SMARCAL1: variants seen among roughly 807,000 people sequenced by gnomAD.
SMARCAL1 encodes ATP-driven annealing helicase.
SMARCAL1 carries 58 observed loss-of-function variants against 94.5 expected under a neutral mutation model. The ratio of observed to expected loss-of-function variants is 0.61; its 90% CI spans 0.50 to 0.76. SMARCAL1 has a LOEUF of 0.76. Ranked by LOEUF, SMARCAL1 falls within the 30% of genes least tolerant of loss-of-function variation. The pLI is 0.00. For synonymous variants in SMARCAL1, 422 were observed against 455.1 expected, an observed-to-expected ratio of 0.93 and a Z score of 0.93; for missense variants, 1,051 against 1,177.9, an observed-to-expected ratio of 0.89 and a Z score of 1.58.
Position 216,455,082 on chromosome 2 carries a change from C to T in SMARCAL1, c.2070+4018C>T, listed in dbSNP as rs532703684. 2.0e-4 allele frequency among the ~76,000 whole-genome samples: 31 copies of T among 152,370 alleles called. 2 individuals are homozygous for T. The South Asian group carries it at 6.2e-3, about 31-fold the overall frequency. ...CGTGCCTGGCTCGCATGGTCCCACG[C>T]CCACGGAGGCTCGCTCATTGCTAGC... On this transcript the variant is annotated intron_variant, in intron 12 of 17. Coordinates refer to ENST00000357276, the MANE Select transcript of SMARCAL1 (RefSeq NM_014140.4).
intron 11 of SMARCAL1, 42 bp from the exon 12 acceptor site, chr2:216,450,804 G>T: frequency 6.5e-7 from 1 of 1,549,682 alleles, no homozygotes; most frequent in Non-Finnish European, 8.9e-7. Context: ...GACTGGGCCT[G>T]AAAGGAGCCT....
intron 14 of SMARCAL1, among the ~76,000 whole-genome samples, chr2:216,471,495 A>G (rs1283990682): frequency 6.6e-6 from 1 of 152,074 alleles, no homozygotes; most frequent in Non-Finnish European, 1.5e-5. Context: ...CTGGGAATAC[A>G]GGTGCCTGCT....
rs372600731 is a variant in SMARCAL1, at chr2:216,475,461, G to A, written c.2427+10G>A. The stretch of plus-strand genomic sequence containing the variant: ...GTTTTGGAACCCAGGGGTAAGAGAC[G>A]CAGAAGACTCAGATACTCCCCAGGC... On this transcript the variant is annotated intron_variant, in intron 15 of 17. Coordinates refer to ENST00000357276, the MANE Select transcript of SMARCAL1 (RefSeq NM_014140.4). The surrounding 1 kb of genome is among the most constrained non-coding windows in gnomAD (Gnocchi z 4.4). 9.3e-6 allele frequency: 15 copies of A among 1,613,854 alleles called. No individual in the cohort carries two copies. The highest frequency in any genetic ancestry group is 2.2e-5 in the East Asian group (1 of 44,900).
Position 216,415,479 on chromosome 2 carries a change from A to G in SMARCAL1, c.775A>G (p.Ile259Val). Residue 259 changes from isoleucine to valine, a missense_variant, in exon 3 of 18, where the codon ATT becomes GTT. Physicochemically the swap from Ile to Val is conservative, Grantham distance 29. Transcript: ENST00000357276. The stretch of plus-strand genomic sequence containing the variant: ...GTTGATTGGGTACAATGCGGAACTC[A>G]TTGCAGTGTTTAAGACCCTGCCCAG... The part of the protein sequence containing the change: ...QVLIGYNAEL[I>V]AVFKTLPSKN... 10 of 1,613,598 alleles carry G rather than the reference A, an allele frequency of 6.2e-6. No homozygotes were observed. The highest frequency in any genetic ancestry group is 8.5e-6 in the Non-Finnish European group (10 of 1,179,944).
chr2:216,448,753 A>T (rs1559131087), intron 11 of SMARCAL1, among the ~76,000 whole-genome samples: 1 of 152,004 alleles, frequency 6.6e-6, no homozygotes, highest in Non-Finnish European at 1.5e-5. Flanking sequence ...AATCGCTTCA[A>T]CCCAGGAGGC....
intron 16 of SMARCAL1, 46 bp downstream of exon 16, chr2:216,477,255 G>A (rs1420188775): frequency 7.7e-7 from 1 of 1,299,232 alleles, no homozygotes; most frequent in South Asian, 1.3e-5. Context: ...GAGCAAGGGT[G>A]GAAACTGATG....
At chr2:216,459,689 A>G (rs1318960889) in intron 12 of SMARCAL1, among the ~76,000 whole-genome samples, 1 of 151,288 alleles carries the variant, frequency 6.6e-6, no homozygotes, top group African/African-American at 2.4e-5. Flanking sequence ...TTAATTCAAG[A>G]TGGATTAAAG....
intron 12 of SMARCAL1, among the ~76,000 whole-genome samples, chr2:216,461,016 T>C (rs1419141942): frequency 6.6e-6 from 1 of 151,800 alleles, no homozygotes; most frequent in East Asian, 1.9e-4. Flanking sequence ...AGGAATGGTA[T>C]GTACAATAAA....
chr2:216,421,192 T>C (rs1693712266), intron 5 of SMARCAL1, among the ~76,000 whole-genome samples: 1 of 152,144 alleles, frequency 6.6e-6, no homozygotes, highest in African/African-American at 2.4e-5. Flanking sequence ...GGCTTGGACA[T>C]TGTCGGGGTG....
intron 12 of SMARCAL1, among the ~76,000 whole-genome samples, chr2:216,463,376 A>G (rs1307489437): frequency 6.6e-6 from 1 of 152,190 alleles, no homozygotes; most frequent in Non-Finnish European, 1.5e-5. Context: ...CAGCAGATTC[A>G]GTGTCTAGTG....
At chr2:216,443,303 G>T (rs567794855) in intron 10 of SMARCAL1, among the ~76,000 whole-genome samples, 220 of 136,584 alleles carry the variant, frequency 1.6e-3, no homozygotes, top group African/African-American at 6.0e-3. Context: ...GGAGGTGGAG[G>T]TTGCAGTGAG....
In SMARCAL1 at chr2:216,419,584, G is replaced by A. The variant is rs184340988; in HGVS notation, c.863-715G>A. Among the ~76,000 whole-genome samples, 336 of 152,264 alleles carry A rather than the reference G, an allele frequency of 2.2e-3. 2 individuals are homozygous for A. The highest frequency in any genetic ancestry group is 0.01 in the Middle Eastern group (3 of 294). On this transcript the variant is annotated intron_variant, in intron 4 of 17. Coordinates refer to ENST00000357276, the MANE Select transcript of SMARCAL1 (RefSeq NM_014140.4). ...TTCTCTGAGCAGTAGACAGAGTAGC[G>A]ACCTAGGAGTGGGCTTAACTGGGTG...
chr2:216,415,024 C>T lies in SMARCAL1; in HGVS notation c.320C>T (p.Ala107Val). 1 of 1,614,208 alleles carries T rather than the reference C, an allele frequency of 6.2e-7. No individual in the cohort carries two copies. Among genetic ancestry groups the T allele is most frequent in the Non-Finnish European group, 8.5e-7 (1 of 1,180,030 alleles). Residue 107 changes from alanine to valine, a missense_variant, in exon 3 of 18, where the codon GCC (alanine) becomes GTC (valine). By Grantham distance (64) the Ala-to-Val change is moderately conservative (BLOSUM62 0). This residue lies in a region of SMARCAL1 where 398 missense variants were observed against 395.2 expected (regional missense o/e 1.01). Transcript: ENST00000357276. The stretch of plus-strand genomic sequence containing the variant: ...AAAAAGCCAGAAGAAATGCCCACAG[C>T]CTGCCCAGGCCACAGTCCACGTAGT... ...IWKKPEEMPT[A>V]CPGHSPRSQM...
intron 12 of SMARCAL1, among the ~76,000 whole-genome samples, chr2:216,462,702 C>T (rs1694730385): frequency 6.6e-6 from 1 of 152,098 alleles, no homozygotes; most frequent in Non-Finnish European, 1.5e-5. Context: ...AGCTAAGAAG[C>T]TGGCCAGATG....
intron 3 of SMARCAL1, 23 bp downstream of exon 3, chr2:216,415,538 GTTTT>G (rs5838583): frequency 2.4e-5 from 34 of 1,400,132 alleles, no homozygotes; most frequent in East Asian, 9.3e-5. Context: ...TTTTTCAGCT[GTTTT>G]TTTTTTTTTT....
rs373106341 is a variant in SMARCAL1 at position 216,438,508 on chromosome 2, C to T, written c.1710+23C>T. 2.5e-6 allele frequency: 4 copies of T among 1,604,650 alleles called. No individual in the cohort carries two copies. The African/African-American group carries it at 4.0e-5, about 16-fold the overall frequency. On this transcript the variant is annotated intron_variant, in intron 10 of 17. Coordinates refer to ENST00000357276, the MANE Select transcript of SMARCAL1 (RefSeq NM_014140.4). The stretch of plus-strand genomic sequence containing the variant: ...AAGGTGAGTACTTCTGAGAACTGAG[C>T]CCACTGAGCATTGGCATCCCATAAT...
intron 14 of SMARCAL1, among the ~76,000 whole-genome samples, chr2:216,469,773 A>T (rs1694922263): frequency 6.6e-6 from 1 of 152,184 alleles, no homozygotes; most frequent in African/African-American, 2.4e-5. Context: ...GTTATTAAAT[A>T]GGTTCATCTT....
intron 6 of SMARCAL1, among the ~76,000 whole-genome samples, chr2:216,424,068 C>A (rs1693780309): frequency 6.6e-6 from 1 of 152,186 alleles, no homozygotes; most frequent in Non-Finnish European, 1.5e-5. Flanking sequence ...TCTCAGTGTA[C>A]TTCTAGAACT....
chr2:216,438,512 C>T (rs1322479188), intron 10 of SMARCAL1, 27 bp downstream of exon 10: 1 of 1,600,382 alleles, frequency 6.2e-7, no homozygotes. Context: ...ACTGAGCCCA[C>T]TGAGCATTGG....
Sources: gnomAD v4.1 joint callset for allele counts (sites outside exome capture counted in the v4.1 genomes callset) on GRCh38, gnomAD v4.1.1 for gene constraint, gnomAD v4.1.1 regional missense constraint, Gnocchi (gnomAD v3.1) non-coding constraint, MANE v1.5 for transcripts, NCBI Gene and HGNC (gene_info 2026-07-23, HGNC 2026-07-21) for gene names.